The following KIRREL1 variants were observed in gnomAD, a reference collection of about 807,000 sequenced individuals.
KIRREL1 encodes kin of IRRE-like protein 1.
A neutral mutation model predicts 83.3 loss-of-function variants in KIRREL1; 25 were observed. That is an observed-to-expected ratio of 0.30 (90% CI 0.22 to 0.42). KIRREL1 has a LOEUF of 0.42. Among genes scored for constraint, KIRREL1 ranks in the 10% least tolerant of loss-of-function variants. The pLI is 1.00. For missense variants in KIRREL1, 812 were observed against 1,032.3 expected (o/e 0.79, Z 2.92); for synonymous variants, 388 against 410.4 (o/e 0.95, Z 0.66).
chr1:158,074,385 AC>A (rs1385630904), intron 1 of KIRREL1, among the ~76,000 whole-genome samples: 2 of 151,982 alleles, frequency 1.3e-5, no homozygotes, highest in Non-Finnish European at 1.5e-5. Flanking sequence ...TCTTTTTCAG[AC>A]CCCTTTGTGT....
chr1:158,067,016 C>T (rs1357470726), intron 1 of KIRREL1, among the ~76,000 whole-genome samples: 3 of 152,200 alleles, frequency 2.0e-5, no homozygotes, highest in African/African-American at 7.2e-5. Flanking sequence ...TCCCATAAAA[C>T]ATTCTCAGGA....
At chr1:158,009,707 C>A (rs1392355952) in intron 1 of KIRREL1, among the ~76,000 whole-genome samples, 1 of 152,208 alleles carries the variant, frequency 6.6e-6, no homozygotes, top group African/African-American at 2.4e-5. Flanking sequence ...ATTGCCTGTT[C>A]AAGCTGGGGC....
rs1229796637 is a variant in KIRREL1, at chr1:158,084,543, G to C, written c.474G>C (p.Arg158=). 2 of 1,551,776 alleles carry C rather than the reference G, an allele frequency of 1.3e-6. No individual in the cohort carries two copies. Among genetic ancestry groups the C allele is most frequent in the East Asian group, 4.9e-5 (2 of 40,920 alleles). The change falls in exon 4 of 15, where the codon CGG becomes CGC. Residue 158 remains arginine (R), a synonymous_variant. Coordinates refer to ENST00000359209, the MANE Select transcript of KIRREL1 (RefSeq NM_018240.7). Reference sequence around the variant, plus strand: ...CTGCTGCCACCATCATCTGGTTCCGGGACGGGACGCAGCAGGAGGGCGCTG... The same window carrying C: ...CTGCTGCCACCATCATCTGGTTCCGCGACGGGACGCAGCAGGAGGGCGCTG... ...AKPAATIIWF[R]DGTQQEGAVA...
rs562507179 is a variant in KIRREL1 at position 157,996,002 on chromosome 1, G to A, written c.52+2274G>A. Among the ~76,000 whole-genome samples the A allele has an allele frequency of 1.9e-3, 283 of 151,170 alleles. 2 individuals carry two copies. The highest frequency in any genetic ancestry group is 2.3e-3 in the Non-Finnish European group (159 of 67,816). On this transcript the variant is annotated intron_variant, in intron 1 of 14. Coordinates refer to ENST00000359209, the MANE Select transcript of KIRREL1 (RefSeq NM_018240.7). ...CCTTAGCCTCCATCCTCAGAAAGGA[G>A]CTCTAGGTCAGGGACTGGGGCAGTG...
chr1:158,082,966 T>C (rs1570990205), intron 3 of KIRREL1, among the ~76,000 whole-genome samples: 1 of 152,198 alleles, frequency 6.6e-6, no homozygotes, highest in Non-Finnish European at 1.5e-5. Context: ...CTTCTGCCTT[T>C]ATTTCATCAG....
intron 1 of KIRREL1, among the ~76,000 whole-genome samples, chr1:158,070,871 G>T (rs1661492045): frequency 6.6e-6 from 1 of 152,082 alleles, no homozygotes; most frequent in African/African-American, 2.4e-5. Context: ...TCTCCCCAGG[G>T]TCCCTCTGTG....
At chr1:158,022,996 A>G (rs1170335242) in intron 1 of KIRREL1, among the ~76,000 whole-genome samples, 1 of 152,172 alleles carries the variant, frequency 6.6e-6, no homozygotes, top group African/African-American at 2.4e-5. Flanking sequence ...TGTCTTCTGA[A>G]GTTCTTTTTG....
intron 1 of KIRREL1, among the ~76,000 whole-genome samples, chr1:158,032,060 C>T (rs1257084791): frequency 1.3e-5 from 2 of 150,436 alleles, no homozygotes; most frequent in South Asian, 2.1e-4. Flanking sequence ...GCCTGGGCAA[C>T]AGAGCCAGAT....
chr1:158,036,667 G>A (rs2101681052), intron 1 of KIRREL1, among the ~76,000 whole-genome samples: 1 of 152,296 alleles, frequency 6.6e-6, no homozygotes, highest in South Asian at 2.1e-4. Flanking sequence ...CATGGACCGC[G>A]ATGCTTGGTG....
chr1:158,026,835 A>G (rs111951443), intron 1 of KIRREL1, among the ~76,000 whole-genome samples: 3 of 152,156 alleles, frequency 2.0e-5, no homozygotes, highest in African/African-American at 7.2e-5. Flanking sequence ...GCTGAATGAA[A>G]AAAAGCAAAC....
At chr1:158,029,337 CTGTGTG>C (rs60980289) in intron 1 of KIRREL1, among the ~76,000 whole-genome samples, 1,329 of 69,312 alleles carry the variant, frequency 0.019, 12 homozygotes, top group African/African-American at 0.043. Flanking sequence ...TAACAAAAAC[CTGTGTG>C]TGTGTGTGTG....
At chr1:158,013,083 C>A (rs1659731184) in intron 1 of KIRREL1, among the ~76,000 whole-genome samples, 1 of 152,218 alleles carries the variant, frequency 6.6e-6, no homozygotes, top group African/African-American at 2.4e-5. Flanking sequence ...AAAGCTAGAA[C>A]TGGAAATGAA....
chr1:158,016,894 C>A (rs1659841317), intron 1 of KIRREL1, among the ~76,000 whole-genome samples: 1 of 152,206 alleles, frequency 6.6e-6, no homozygotes, highest in South Asian at 2.1e-4. Context: ...CATTTCTCAG[C>A]CTTGCTTGCA....
intron 1 of KIRREL1, among the ~76,000 whole-genome samples, chr1:158,015,863 T>C (rs983172958): frequency 1.3e-5 from 2 of 152,174 alleles, no homozygotes; most frequent in Non-Finnish European, 2.9e-5. Flanking sequence ...GCTTCCCTAA[T>C]CTCCACCATC....
chr1:158,083,730 G>T (rs916798910), intron 3 of KIRREL1, among the ~76,000 whole-genome samples: 1 of 152,154 alleles, frequency 6.6e-6, no homozygotes, highest in Non-Finnish European at 1.5e-5. Flanking sequence ...CCACCTTTCC[G>T]AGCCAGACTC....
At chr1:158,065,819 AC>A (rs1558008511) in intron 1 of KIRREL1, among the ~76,000 whole-genome samples, 1 of 151,464 alleles carries the variant, frequency 6.6e-6, no homozygotes, top group Non-Finnish European at 1.5e-5. Context: ...TGCCTGTGAG[AC>A]CCCACTGTCT....
chr1:158,074,664 T>G (rs1407791545), intron 1 of KIRREL1, among the ~76,000 whole-genome samples: 1 of 152,046 alleles, frequency 6.6e-6, no homozygotes, highest in Non-Finnish European at 1.5e-5. Context: ...GGAATTGGGC[T>G]AGGAGGGCTT....
chr1:158,032,698 C>A (rs1204429589), intron 1 of KIRREL1, among the ~76,000 whole-genome samples: 1 of 152,186 alleles, frequency 6.6e-6, no homozygotes, highest in Non-Finnish European at 1.5e-5. Flanking sequence ...CACCTCCCAC[C>A]TTTCACTGCT....
intron 5 of KIRREL1, among the ~76,000 whole-genome samples, 160 bp from the exon 6 acceptor site, chr1:158,087,595 A>G (rs1434237118): frequency 6.6e-6 from 1 of 152,116 alleles, no homozygotes; most frequent in Non-Finnish European, 1.5e-5. Flanking sequence ...CTCCATGTGC[A>G]AAAGGTGAGG....
Sources: allele counts gnomAD v4.1 joint callset (sites outside exome capture counted in the v4.1 genomes callset), GRCh38; gene constraint gnomAD v4.1.1; transcripts MANE v1.5; gene names NCBI Gene and HGNC (gene_info 2026-07-23, HGNC 2026-07-21).